ADGRB3: variants seen among roughly 807,000 people sequenced by gnomAD.
ADGRB3 encodes the protein brain-specific angiogenesis inhibitor 3.
Under a neutral mutation model 193.4 loss-of-function variants are expected in ADGRB3, and 37 were observed. The ratio of observed to expected loss-of-function variants is 0.19; its 90% CI spans 0.15 to 0.25. The LOEUF (loss-of-function observed/expected upper bound fraction) is 0.25. Among genes scored for constraint, ADGRB3 ranks in the 10% least tolerant of loss-of-function variants. The probability of loss-of-function intolerance (pLI) is 1.00; values close to 1 mark genes in which losing one functional copy is unlikely to be tolerated. For missense variants in ADGRB3, 1,637 were observed against 1,852.9 expected, an observed-to-expected ratio of 0.88 and a Z score of 2.14; for synonymous variants, 690 against 644.2, an observed-to-expected ratio of 1.07 and a Z score of -1.08.
intron 3 of ADGRB3, among the ~76,000 whole-genome samples, chr6:68,837,453 T>G (rs1350629772): frequency 6.6e-6 from 1 of 152,218 alleles, no homozygotes; most frequent in Non-Finnish European, 1.5e-5. Context: ...TTCAAATATC[T>G]TTATAGATAA....
chr6:68,848,005 A>C (rs1562054803), intron 3 of ADGRB3, among the ~76,000 whole-genome samples: 1 of 152,180 alleles, frequency 6.6e-6, no homozygotes, highest in Non-Finnish European at 1.5e-5. Flanking sequence ...AAATCTAAAA[A>C]AAGACGTCAA....
At chr6:68,753,383 G>A (rs1008100987) in intron 3 of ADGRB3, among the ~76,000 whole-genome samples, 2 of 152,170 alleles carry the variant, frequency 1.3e-5, no homozygotes, top group Non-Finnish European at 2.9e-5. Context: ...AACGCCACAA[G>A]AATTAAGCCG....
At chr6:69,129,746 T>C (rs1773953577) in intron 17 of ADGRB3, among the ~76,000 whole-genome samples, 1 of 152,188 alleles carries the variant, frequency 6.6e-6, no homozygotes, top group Admixed American at 6.5e-5. Context: ...GTGTAAATGA[T>C]GTAATTTCAC....
Position 68,912,890 on chromosome 6 carries a change from C to T in ADGRB3, c.758-17669C>T, listed in dbSNP as rs549553343. 2.2e-3 allele frequency among the ~76,000 whole-genome samples: 339 copies of T among 152,240 alleles called. 1 individual carries two copies. The highest frequency in any genetic ancestry group is 3.1e-3 in the Non-Finnish European group (212 of 68,018). ...GCGCTTTTCCGATGGGCTTAAAAAA[C>T]GGCGCACCAGGAGATTATATCCTCC... On this transcript the variant is annotated intron_variant, in intron 3 of 31. Coordinates refer to ENST00000370598, the MANE Select transcript of ADGRB3 (RefSeq NM_001704.3).
chr6:69,355,942 T>C lies in ADGRB3; in HGVS notation c.3595+82T>C, dbSNP rs1769329029. ...GATTTTAATTTTAAAGAAAATGCTG[T>C]GGTTTACACATTACATATTGTTCTG... On this transcript the variant is annotated intron_variant, in intron 28 of 31. Transcript: ENST00000370598. The C allele has an allele frequency of 2.5e-6, 3 of 1,198,544 alleles. No individual in the cohort carries two copies. In the South Asian group the frequency reaches 3.9e-5, roughly 16 times the overall value. 74.2% of individuals were successfully genotyped at this position (1,198,544 alleles called of 1,614,324 possible).
intron 17 of ADGRB3, among the ~76,000 whole-genome samples, chr6:69,138,195 T>A (rs1774211092): frequency 6.6e-6 from 1 of 152,256 alleles, no homozygotes; most frequent in Admixed American, 6.5e-5. Flanking sequence ...AAGAAAAAAA[T>A]TTTGGAGACT....
intron 11 of ADGRB3, among the ~76,000 whole-genome samples, chr6:69,004,555 C>G (rs1435470475): frequency 8.8e-6 from 1 of 114,008 alleles, no homozygotes; most frequent in Non-Finnish European, 1.7e-5. Flanking sequence ...TAATGCTATC[C>G]CTCCCCCCTC....
chr6:69,236,291 G>C (rs1424575930), intron 19 of ADGRB3, among the ~76,000 whole-genome samples: 1 of 151,836 alleles, frequency 6.6e-6, no homozygotes, highest in African/African-American at 2.4e-5. Flanking sequence ...TGACCCATTA[G>C]CACTGGTACA....
At chr6:68,785,981 T>G (rs1173172411) in intron 3 of ADGRB3, among the ~76,000 whole-genome samples, 1 of 152,158 alleles carries the variant, frequency 6.6e-6, no homozygotes, top group Non-Finnish European at 1.5e-5. Context: ...GTTCATATCC[T>G]TTGCCCACTT....
chr6:69,115,766 G>A (rs74963434), intron 17 of ADGRB3, among the ~76,000 whole-genome samples: 3,448 of 152,272 alleles, frequency 0.023, 119 homozygotes, highest in East Asian at 0.1. Flanking sequence ...GGCATCCACT[G>A]CTGTATTTAA....
At chr6:68,778,058 T>A (rs1240296708) in intron 3 of ADGRB3, among the ~76,000 whole-genome samples, 4 of 152,152 alleles carry the variant, frequency 2.6e-5, no homozygotes, top group Non-Finnish European at 4.4e-5. Flanking sequence ...TTCTTGTCTA[T>A]GGAACTGGCC....
At chr6:68,700,253 T>A (rs1460750342) in intron 3 of ADGRB3, among the ~76,000 whole-genome samples, 2 of 152,108 alleles carry the variant, frequency 1.3e-5, no homozygotes, top group Non-Finnish European at 2.9e-5. Context: ...AAACAAGAAA[T>A]CTTTAAGAAG....
chr6:69,019,685 A>G (rs1267856964), intron 13 of ADGRB3, among the ~76,000 whole-genome samples: 1 of 152,004 alleles, frequency 6.6e-6, no homozygotes, highest in Admixed American at 6.6e-5. Context: ...CACAGGCCTT[A>G]ATCAGAGAGT....
chr6:68,661,533 G>GTATATATA (rs1561986486), intron 3 of ADGRB3, among the ~76,000 whole-genome samples: 1 of 50,052 alleles, frequency 2.0e-5, no homozygotes, highest in Non-Finnish European at 3.6e-5. Flanking sequence ...ATATATATGT[G>GTATATATA]TATACATATA....
At chr6:68,721,755 G>T (rs900168684) in intron 3 of ADGRB3, among the ~76,000 whole-genome samples, 3 of 149,738 alleles carry the variant, frequency 2.0e-5, no homozygotes, top group Non-Finnish European at 4.5e-5. Context: ...GGAAAGGAAA[G>T]CTCTACTTTA....
intron 3 of ADGRB3, among the ~76,000 whole-genome samples, chr6:68,651,456 G>T (rs1286144303): frequency 6.6e-6 from 1 of 152,174 alleles, no homozygotes; most frequent in African/African-American, 2.4e-5. Context: ...ATACTTTGGT[G>T]TTCAATTGAT....
intron 17 of ADGRB3, among the ~76,000 whole-genome samples, chr6:69,148,606 A>G (rs1301023403): frequency 6.6e-6 from 1 of 152,048 alleles, no homozygotes; most frequent in Non-Finnish European, 1.5e-5. Flanking sequence ...GTGTTTTTCT[A>G]TGTATTTATT....
rs929594542 is a variant in ADGRB3, at chr6:69,389,156, C to T, written c.*265C>T. The T allele has an allele frequency of 1.8e-5, 5 of 274,650 alleles. No homozygotes were observed. The highest frequency in any genetic ancestry group is 3.4e-5 in the Non-Finnish European group (5 of 145,266). The allele number at this position is 274,650 out of a possible 1,614,324, so 17.0% of individuals were successfully genotyped here. ...ATCTTTATAGATAAACCTCAAGCAA[C>T]GATTCATGTTGTAACCGCTTCATAT... is the stretch of plus-strand genomic sequence containing the variant. On this transcript the variant is annotated 3_prime_UTR_variant, in exon 32 of 32. Transcript: ENST00000370598.
At position 69,327,359 on chromosome 6, in the gene ADGRB3, A is replaced by T. The variant is rs141190386; in HGVS notation, c.2966-461A>T. On this transcript the variant is annotated intron_variant, in intron 21 of 31. Transcript: ENST00000370598. Reference sequence around the variant, plus strand: ...TATAAAGAAAGTGTTAACTCATAAGATGTATGTTTTTTTCTGTCTTATTAT... The same window carrying T: ...TATAAAGAAAGTGTTAACTCATAAGTTGTATGTTTTTTTCTGTCTTATTAT... 1.3e-4 allele frequency among the ~76,000 whole-genome samples: 20 copies of T among 152,246 alleles called. No individual in the cohort carries two copies. In the East Asian group the frequency reaches 3.7e-3, roughly 28 times the overall value.
Sources: gnomAD v4.1 joint callset for allele counts (sites outside exome capture counted in the v4.1 genomes callset) on GRCh38, gnomAD v4.1.1 for gene constraint, MANE v1.5 for transcripts, NCBI Gene and HGNC (gene_info 2026-07-23, HGNC 2026-07-21) for gene names.